The following PTGER2 variants were observed in gnomAD, a reference collection of about 807,000 sequenced individuals.
The protein encoded by PTGER2 is prostaglandin E receptor 2, also known as prostaglandin E2 receptor EP2 subtype.
PTGER2 carries 22 observed loss-of-function variants against 26.2 expected under a neutral mutation model. That is an observed-to-expected ratio of 0.84 (90% CI 0.60 to 1.20). The LOEUF is 1.20. Among genes scored for constraint, PTGER2 ranks in the 50% most tolerant of loss-of-function variants. The pLI, the probability that PTGER2 is intolerant of heterozygous loss-of-function variation, is 0.00. For missense variants in PTGER2, 458 were observed against 475.2 expected (o/e 0.96, Z 0.34); for synonymous variants, 219 against 208.9 (o/e 1.05, Z -0.42).
chr14:52,327,197 A>AT (rs1172011691), intron 1 of PTGER2, 24 bp from the exon 2 acceptor site: 2 of 1,502,412 alleles, frequency 1.3e-6, no homozygotes, highest in Non-Finnish European at 1.8e-6. Flanking sequence ...AACTAACATC[A>AT]TTTTTCCCCT....
intron 1 of PTGER2, among the ~76,000 whole-genome samples, chr14:52,316,783 C>T (rs1419482845): frequency 2.0e-5 from 3 of 152,194 alleles, no homozygotes; most frequent in African/African-American, 7.2e-5. Context: ...CTACCCCATC[C>T]TCTGTCAGGG....
At chr14:52,322,708 C>A (rs1022450606) in intron 1 of PTGER2, among the ~76,000 whole-genome samples, 4 of 152,050 alleles carry the variant, frequency 2.6e-5, no homozygotes, top group Non-Finnish European at 4.4e-5. Context: ...GTTTATAGAC[C>A]TCCCCCCAGG....
At position 52,315,131 on chromosome 14, in the gene PTGER2, G is replaced by T. The variant is rs770237679; in HGVS notation, c.583G>T (p.Ala195Ser). 3.7e-6 allele frequency: 6 copies of T among 1,609,470 alleles called. No individual in the cohort carries two copies. The South Asian group carries it at 6.6e-5, about 18-fold the overall frequency. Residue 195 changes from alanine (A) to serine (S), a missense_variant, in exon 1 of 2, where the codon GCT (alanine) becomes TCT (serine). By Grantham distance (99) the Ala-to-Ser change is moderately conservative. Transcript: ENST00000245457. Reference sequence around the variant, plus strand: ...GTGCTTCATCCGGCACGGGCGGACCGCTTACCTGCAGCTGTACGCCACCCT... The same window carrying T: ...GTGCTTCATCCGGCACGGGCGGACCTCTTACCTGCAGCTGTACGCCACCCT... ...TWCFIRHGRT[A>S]YLQLYATLLL...
intron 1 of PTGER2, among the ~76,000 whole-genome samples, chr14:52,318,413 T>C (rs528951552): frequency 8.5e-5 from 13 of 152,250 alleles, no homozygotes; most frequent in Admixed American, 4.6e-4. Context: ...TTACATATTT[T>C]ATTTAACCCA....
Position 52,314,436 on chromosome 14 carries a change from T to G in PTGER2, c.-113T>G. The G allele has an allele frequency of 8.2e-7, 1 of 1,218,844 alleles. No homozygotes were observed. The allele number at this position is 1,218,844 out of a possible 1,614,324, so 75.5% of individuals were successfully genotyped here. A position where few individuals can be genotyped will look rare whatever the true frequency, so the allele number is the denominator to read the frequency against. ...TGGGTGCGGGAAGGGGGCTCTGGAT[T>G]TCGGTCCCTCCCCTTTTTCCTCTGA... On this transcript the variant is annotated 5_prime_UTR_variant, in exon 1 of 2. The change creates a new upstream start codon in the 5' untranslated region. Transcript: ENST00000245457. The surrounding 1 kb of genome is among the most constrained non-coding windows in gnomAD (Gnocchi z 5.7).
Position 52,315,314 on chromosome 14 carries a change from A to T in PTGER2, c.766A>T (p.Met256Leu). 3 of 1,613,246 alleles carry T rather than the reference A, an allele frequency of 1.9e-6. No individual in the cohort carries two copies. The highest frequency in any genetic ancestry group is 2.5e-6 in the Non-Finnish European group (3 of 1,179,800). ...GARRRGERVS[M>L]AEETDHLILL... is the part of the protein sequence containing the mutation. Reference sequence around the variant, plus strand: ...CCGCAGGAGAGGGGAAAGGGTGTCCATGGCGGAGGAGACGGACCACCTCAT... The same window carrying T: ...CCGCAGGAGAGGGGAAAGGGTGTCCTTGGCGGAGGAGACGGACCACCTCAT... Residue 256 changes from methionine to leucine, a missense_variant, in exon 1 of 2, where the codon ATG becomes TTG. Coordinates refer to ENST00000245457, the MANE Select transcript of PTGER2 (RefSeq NM_000956.4).
intron 1 of PTGER2, among the ~76,000 whole-genome samples, chr14:52,320,419 C>T (rs1312482898): frequency 6.6e-6 from 1 of 152,196 alleles, no homozygotes; most frequent in East Asian, 1.9e-4. Context: ...ACTGCTATCT[C>T]AGATGGTTTA....
At chr14:52,316,238 G>A (rs11851457) in intron 1 of PTGER2, among the ~76,000 whole-genome samples, 11,536 of 152,212 alleles carry the variant, frequency 0.076, 597 homozygotes, top group East Asian at 0.16. Flanking sequence ...GAAGAGTGGG[G>A]CTACCTGGGG....
At chr14:52,323,556 T>C (rs1360627505) in intron 1 of PTGER2, among the ~76,000 whole-genome samples, 2 of 152,204 alleles carry the variant, frequency 1.3e-5, no homozygotes, top group African/African-American at 4.8e-5. Context: ...ACCCAACCTA[T>C]TTTTAAAGCT....
intron 1 of PTGER2, among the ~76,000 whole-genome samples, chr14:52,318,065 T>C (rs1329319511): frequency 1.3e-5 from 2 of 152,256 alleles, no homozygotes; most frequent in African/African-American, 2.4e-5. Flanking sequence ...GTTTGGTTCA[T>C]ACATTCTGCT....
In PTGER2 at chr14:52,328,311, T is replaced by C. The variant is rs915271316; in HGVS notation, c.*857T>C. 6.5e-6 allele frequency: 1 copy of C among 152,674 alleles called. No individual in the cohort carries two copies. The highest frequency in any genetic ancestry group is 1.5e-5 in the Non-Finnish European group (1 of 68,038). The allele number at this position is 152,674 out of a possible 1,614,324, so 9.5% of individuals were successfully genotyped here. On this transcript the variant is annotated 3_prime_UTR_variant, in exon 2 of 2. Transcript: ENST00000245457. ...AAAAATCTGGTTCATTCTTCAGATA[T>C]ACTGGAACCCTTTTAAAGTTGATAT...
intron 1 of PTGER2, among the ~76,000 whole-genome samples, chr14:52,324,581 T>TA (rs1422918074): frequency 6.6e-6 from 1 of 152,184 alleles, no homozygotes; most frequent in African/African-American, 2.4e-5. Flanking sequence ...TGTCAAAGCA[T>TA]AATATGCAGA....
intron 1 of PTGER2, among the ~76,000 whole-genome samples, chr14:52,323,646 A>C (rs1455912168): frequency 6.6e-6 from 1 of 152,242 alleles, no homozygotes; most frequent in Non-Finnish European, 1.5e-5. Context: ...ATTGCATTAA[A>C]GATAGAAAAG....
chr14:52,327,835 A>G lies in PTGER2; in HGVS notation c.*381A>G, dbSNP rs988104148. ...ATCTTGCTACTACCGTTATACACATATAGTGTACAGCCAGACCAGATTAAA... is the reference window on the plus strand; with the variant it reads ...ATCTTGCTACTACCGTTATACACATGTAGTGTACAGCCAGACCAGATTAAA... On this transcript the variant is annotated 3_prime_UTR_variant, in exon 2 of 2. Coordinates refer to ENST00000245457, the MANE Select transcript of PTGER2 (RefSeq NM_000956.4). The G allele has an allele frequency of 1.1e-5, 2 of 181,680 alleles. No individual in the cohort carries two copies. The highest frequency in any genetic ancestry group is 2.3e-5 in the Non-Finnish European group (2 of 86,122). The allele number at this position is 181,680 out of a possible 1,614,324, so 11.3% of individuals were successfully genotyped here.
chr14:52,320,770 CT>C, intron 1 of PTGER2, among the ~76,000 whole-genome samples: 1 of 152,260 alleles, frequency 6.6e-6, no homozygotes, highest in South Asian at 2.1e-4. Flanking sequence ...AAAACTGCCC[CT>C]AACAGAAAAC....
In PTGER2 at chr14:52,315,233, A is replaced by G. The variant is rs755162755; in HGVS notation, c.685A>G (p.Ser229Gly). The change falls in exon 1 of 2, where the codon AGC becomes GGC. Residue 229 changes from serine (S) to glycine (G), a missense_variant. Transcript: ENST00000245457. ...CAACCTCATCCGCATGCACCGCCGAAGCCGGAGAAGCCGCTGCGGACCTTC... is the reference window on the plus strand; with the variant it reads ...CAACCTCATCCGCATGCACCGCCGAGGCCGGAGAAGCCGCTGCGGACCTTC... ...ILNLIRMHRR[S>G]RRSRCGPSLG... 6.2e-7 allele frequency: 1 copy of G among 1,612,060 alleles called. No homozygotes were observed. The highest frequency in any genetic ancestry group is 1.1e-5 in the South Asian group (1 of 90,972).
chr14:52,324,586 T>C (rs1319648081), intron 1 of PTGER2, among the ~76,000 whole-genome samples: 1 of 152,202 alleles, frequency 6.6e-6, no homozygotes, highest in Non-Finnish European at 1.5e-5. Context: ...AAGCATAATA[T>C]GCAGAAAAGT....
chr14:52,327,068 A>G (rs45622535), intron 1 of PTGER2, among the ~76,000 whole-genome samples, 153 bp from the exon 2 acceptor site: 10,701 of 152,178 alleles, frequency 0.07, 483 homozygotes, highest in African/African-American at 0.12. Context: ...TAAGGAAGAA[A>G]GGTAAGATTC....
chr14:52,327,322 T>G lies in PTGER2; in HGVS notation c.945T>G (p.Phe315Leu). The change falls in exon 2 of 2, where the codon TTT (phenylalanine) becomes TTG (leucine). Residue 315 changes from phenylalanine (F) to leucine (L), a missense_variant. Phe to Leu is a conservative substitution (Grantham distance 22). Coordinates refer to ENST00000245457, the MANE Select transcript of PTGER2 (RefSeq NM_000956.4). ...ATTCAATAATTGACCCTTGGGTCTTTGCCATCCTTAGGCCTCCTGTTCTGA... is the reference window on the plus strand; with the variant it reads ...ATTCAATAATTGACCCTTGGGTCTTGGCCATCCTTAGGCCTCCTGTTCTGA... ...SINSIIDPWV[F>L]AILRPPVLRL... 1.9e-6 allele frequency: 3 copies of G among 1,613,300 alleles called. No individual in the cohort carries two copies. The highest frequency in any genetic ancestry group is 2.5e-6 in the Non-Finnish European group (3 of 1,179,242).
Sources: gnomAD v4.1 joint callset for allele counts (sites outside exome capture counted in the v4.1 genomes callset) on GRCh38, gnomAD v4.1.1 for gene constraint, Gnocchi (gnomAD v3.1) non-coding constraint, MANE v1.5 for transcripts, NCBI Gene and HGNC (gene_info 2026-07-23, HGNC 2026-07-21) for gene names.